The following MSH4 variants were observed in gnomAD, a reference collection of about 807,000 sequenced individuals.
MSH4 encodes mutS homolog 4.
In MSH4, 106 loss-of-function variants were observed where a neutral mutation model predicts 113.7. That is an observed-to-expected ratio of 0.93 (90% CI 0.80 to 1.10). The LOEUF is 1.10. Among genes scored for constraint, MSH4 ranks in the 50% least tolerant of loss-of-function variants. The pLI, the probability that MSH4 is intolerant of heterozygous loss-of-function variation, is 0.00. For synonymous variants in MSH4, 368 were observed against 380.2 expected (o/e 0.97, Z 0.37); for missense variants, 1,061 against 1,093.7 (o/e 0.97, Z 0.42).
In MSH4 at chr1:75,899,605, C is replaced by T. The variant is rs1330043696; in HGVS notation, c.2531-13C>T. 6.9e-7 allele frequency: 1 copy of T among 1,455,390 alleles called. No individual in the cohort carries two copies. Among genetic ancestry groups the T allele is most frequent in the Non-Finnish European group, 9.1e-7 (1 of 1,097,244 alleles). The allele number at this position is 1,455,390 out of a possible 1,614,324, so 90.2% of individuals were successfully genotyped here. A position where few individuals can be genotyped will look rare whatever the true frequency, so the allele number is the denominator to read the frequency against. On this transcript the variant is annotated splice_polypyrimidine_tract_variant and intron_variant, in intron 18 of 19. Transcript: ENST00000263187. The stretch of plus-strand genomic sequence containing the variant: ...AACAATATTGAAGCCAAATTTAAAA[C>T]AAATAATTCTAGGATTAAAAGCTGC...
At chr1:75,892,511 A>T (rs1652278434) in intron 17 of MSH4, among the ~76,000 whole-genome samples, 2 of 152,110 alleles carry the variant, frequency 1.3e-5, no homozygotes, top group Admixed American at 1.3e-4. Context: ...TAAGTAAAAT[A>T]TCACTATCGT....
At chr1:75,832,737 C>G (rs1438401395) in intron 7 of MSH4, among the ~76,000 whole-genome samples, 1 of 151,686 alleles carries the variant, frequency 6.6e-6, no homozygotes, top group Non-Finnish European at 1.5e-5. Flanking sequence ...ATTCCACAGC[C>G]CTTCATGCTA....
At chr1:75,901,950 G>A (rs929926118) in intron 19 of MSH4, among the ~76,000 whole-genome samples, 2 of 151,972 alleles carry the variant, frequency 1.3e-5, no homozygotes, top group East Asian at 1.9e-4. Context: ...CTATATGTTT[G>A]TTTTGTTTTT....
intron 19 of MSH4, among the ~76,000 whole-genome samples, chr1:75,903,468 T>C (rs913162488): frequency 2.0e-5 from 3 of 152,194 alleles, no homozygotes; most frequent in African/African-American, 7.2e-5. Flanking sequence ...GCATGATGTT[T>C]CTAGGTTTGT....
At position 75,879,104 on chromosome 1, in the gene MSH4, T is replaced by C; in HGVS notation, c.1653T>C (p.Asp551=). Residue 551 remains aspartate, a synonymous_variant, in exon 12 of 20, where the codon GAT becomes GAC. Transcript: ENST00000263187. ...MTTDCIALPS[D]QLPSEFIKIS... The stretch of plus-strand genomic sequence containing the variant: ...CAGATTGTATAGCCCTACCTAGTGA[T>C]CAACTTCCTTCAGAATTTATTAAGG... 5 of 1,610,970 alleles carry C rather than the reference T, an allele frequency of 3.1e-6. No homozygotes were observed. Among genetic ancestry groups the C allele is most frequent in the Non-Finnish European group, 4.2e-6 (5 of 1,177,740 alleles).
At chr1:75,830,640 A>T (rs573462693) in intron 7 of MSH4, among the ~76,000 whole-genome samples, 2 of 152,334 alleles carry the variant, frequency 1.3e-5, no homozygotes, top group South Asian at 4.1e-4. Flanking sequence ...AATATTCAAC[A>T]TTCTTAAAGA....
At chr1:75,871,039 G>T (rs949049600) in intron 9 of MSH4, among the ~76,000 whole-genome samples, 4 of 152,118 alleles carry the variant, frequency 2.6e-5, no homozygotes, top group Non-Finnish European at 5.9e-5. Context: ...AATTCATAAA[G>T]GAAACAGATT....
At chr1:75,892,904 G>GA (rs377318227) in intron 17 of MSH4, among the ~76,000 whole-genome samples, 30 of 152,194 alleles carry the variant, frequency 2.0e-4, no homozygotes, top group African/African-American at 7.0e-4. Flanking sequence ...ACTTAGATGG[G>GA]AAAAAAGCCT....
chr1:75,912,673 TA>T (rs547408216), intron 19 of MSH4, 22 bp from the exon 20 acceptor site: 42 of 609,774 alleles, frequency 6.9e-5, no homozygotes, highest in African/African-American at 5.6e-4. Context: ...TATATATATA[TA>T]TTTTTTTTTT....
chr1:75,810,486 C>T (rs1650168502), intron 3 of MSH4, among the ~76,000 whole-genome samples: 2 of 147,994 alleles, frequency 1.4e-5, no homozygotes, highest in African/African-American at 2.5e-5. Flanking sequence ...AACTCCTGGC[C>T]TCAAGTGATC....
intron 7 of MSH4, among the ~76,000 whole-genome samples, chr1:75,831,742 A>G (rs1489303963): frequency 6.6e-6 from 1 of 152,226 alleles, no homozygotes; most frequent in Non-Finnish European, 1.5e-5. Flanking sequence ...ACCAATGAGA[A>G]CAAAGACAAA....
chr1:75,902,734 T>C (rs1306149832), intron 19 of MSH4, among the ~76,000 whole-genome samples: 24 of 66,134 alleles, frequency 3.6e-4, no homozygotes, highest in African/African-American at 1.3e-3. Flanking sequence ...TATATATATA[T>C]AGTTCTTTTA....
chr1:75,870,581 C>T (rs36054685), intron 9 of MSH4, among the ~76,000 whole-genome samples: 22 of 151,984 alleles, frequency 1.4e-4, no homozygotes, highest in East Asian at 9.7e-4. Context: ...ATAAGTCTCA[C>T]GAGATCTGAT....
At chr1:75,908,996 T>C (rs530350033) in intron 19 of MSH4, among the ~76,000 whole-genome samples, 1 of 152,322 alleles carries the variant, frequency 6.6e-6, no homozygotes, top group East Asian at 1.9e-4. Context: ...TGATTTGGTG[T>C]CTCCTTCGAC....
At position 75,848,200 on chromosome 1, in the gene MSH4, T is replaced by C; in HGVS notation, c.1163-9T>C. On this transcript the variant is annotated splice_polypyrimidine_tract_variant and intron_variant, in intron 7 of 19. Coordinates refer to ENST00000263187, the MANE Select transcript of MSH4 (RefSeq NM_002440.4). ...AGTTTAAATACTCACATTTGTTTGT[T>C]TGTTTCAGTTATATCAAGATTTCTT... 1 of 1,583,306 alleles carries C rather than the reference T, an allele frequency of 6.3e-7. No homozygotes were observed. The highest frequency in any genetic ancestry group is 8.6e-7 in the Non-Finnish European group (1 of 1,157,126).
intron 8 of MSH4, among the ~76,000 whole-genome samples, chr1:75,861,138 G>T (rs1278907424): frequency 6.8e-6 from 1 of 148,008 alleles, no homozygotes; most frequent in Non-Finnish European, 1.5e-5. Context: ...TTCTCTACAT[G>T]GTTATTCTAG....
chr1:75,818,234 A>T (rs935646089), intron 6 of MSH4, among the ~76,000 whole-genome samples: 2 of 152,162 alleles, frequency 1.3e-5, no homozygotes, highest in African/African-American at 4.8e-5. Flanking sequence ...GGCTCTCCTT[A>T]CATTTACAAT....
intron 7 of MSH4, 51 bp from the exon 8 acceptor site, chr1:75,848,158 T>A (rs764949575): frequency 8.3e-7 from 1 of 1,200,744 alleles, no homozygotes; most frequent in Non-Finnish European, 1.2e-6. Flanking sequence ...TAGTCAATAT[T>A]TTGAACTGTA....
At chr1:75,871,423 A>G (rs1651710957) in intron 9 of MSH4, among the ~76,000 whole-genome samples, 1 of 152,214 alleles carries the variant, frequency 6.6e-6, no homozygotes, top group Admixed American at 6.5e-5. Flanking sequence ...TCATAGGAAA[A>G]TATTGAAATG....
Sources: gnomAD v4.1 joint callset for allele counts (sites outside exome capture counted in the v4.1 genomes callset) on GRCh38, gnomAD v4.1.1 for gene constraint, MANE v1.5 for transcripts, NCBI Gene and HGNC (gene_info 2026-07-23, HGNC 2026-07-21) for gene names.